The following ASB7 variants were observed in gnomAD, a reference collection of about 807,000 sequenced individuals.
ASB7 encodes ankyrin repeat and SOCS box protein 7.
ASB7 carries 4 observed loss-of-function variants against 32.5 expected under a neutral mutation model. The observed-to-expected ratio is 0.12, with a 90% CI of 0.06 to 0.28. The LOEUF (loss-of-function observed/expected upper bound fraction) is 0.28. Among genes scored for constraint, ASB7 ranks in the 10% least tolerant of loss-of-function variants. The pLI, the probability that ASB7 is intolerant of heterozygous loss-of-function variation, is 1.00. For missense variants in ASB7, 181 were observed against 407.1 expected (o/e 0.44, Z 4.78); for synonymous variants, 172 against 155.6 (o/e 1.11, Z -0.78).
At chr15:100,630,616 G>GTTTGGCACCAC (rs1411122859) in intron 5 of ASB7, among the ~76,000 whole-genome samples, 1 of 152,190 alleles carries the variant, frequency 6.6e-6, no homozygotes, top group African/African-American at 2.4e-5. Context: ...GCAGTGGGAA[G>GTTTGGCACCAC]TTTGGCACCA....
intron 4 of ASB7, among the ~76,000 whole-genome samples, chr15:100,616,500 C>G (rs2039744353): frequency 6.6e-6 from 1 of 152,118 alleles, no homozygotes; most frequent in Admixed American, 6.6e-5. Context: ...TCAGAATTGG[C>G]TTTGGTGTAT....
At chr15:100,604,980 C>T (rs550126225) in intron 2 of ASB7, among the ~76,000 whole-genome samples, 91 of 152,256 alleles carry the variant, frequency 6.0e-4, no homozygotes, top group African/African-American at 2.1e-3. Flanking sequence ...AACTCTAGGA[C>T]GCTTTCATTT....
intron 3 of ASB7, among the ~76,000 whole-genome samples, chr15:100,611,834 T>A (rs1450116221): frequency 6.6e-6 from 1 of 150,968 alleles, no homozygotes; most frequent in East Asian, 2.0e-4. Flanking sequence ...TTTTTTTTTT[T>A]TTTGAGATGG....
rs1207485529 is a variant in ASB7 at position 100,602,688 on chromosome 15, C to G, written c.-631C>G. 3.1e-6 allele frequency: 1 copy of G among 322,274 alleles called. No individual in the cohort carries two copies. Among genetic ancestry groups the G allele is most frequent in the Non-Finnish European group, 5.6e-6 (1 of 178,440 alleles). 20.0% of individuals were successfully genotyped at this position (322,274 alleles called of 1,614,324 possible). ...GAGACCCCACGGCTGGCACTTCGGG[C>G]CCCGTATGACCTGGGACCTCGCCGT... On this transcript the variant is annotated 5_prime_UTR_variant, in exon 1 of 6. Coordinates refer to ENST00000332783, the MANE Select transcript of ASB7 (RefSeq NM_198243.3).
At chr15:100,618,079 C>T (rs2039759504) in intron 4 of ASB7, among the ~76,000 whole-genome samples, 1 of 152,116 alleles carries the variant, frequency 6.6e-6, no homozygotes, top group African/African-American at 2.4e-5. Flanking sequence ...CTCAGCCGTA[C>T]CTGTTACTTT....
Position 100,645,676 on chromosome 15 carries a change from C to T in ASB7, c.818-2647C>T, listed in dbSNP as rs534734557. 56 of 1,467,004 alleles carry T rather than the reference C, an allele frequency of 3.8e-5. No individual in the cohort carries two copies. In the African/African-American group the frequency reaches 7.1e-4, roughly 19 times the overall value. The allele number at this position is 1,467,004 out of a possible 1,614,324, so 90.9% of individuals were successfully genotyped here. ...CTGTATGTGAGGTTAGGGACGGCAA[C>T]ACGAAAGAACCATCTTTAGTTTGGG... On this transcript the variant is annotated intron_variant, in intron 5 of 5. Coordinates refer to ENST00000332783, the MANE Select transcript of ASB7 (RefSeq NM_198243.3).
chr15:100,648,324 A>G lies in ASB7; in HGVS notation c.819A>G (p.Arg273=). 6.3e-7 allele frequency: 1 copy of G among 1,581,396 alleles called. No homozygotes were observed. Among genetic ancestry groups the G allele is most frequent in the Non-Finnish European group, 8.6e-7 (1 of 1,168,750 alleles). ...ATTTTCTTTTTTCTGTCTTTTTAGGACAGCCCAGAAACTTGCAGGACCTGT... is the reference window on the plus strand; with the variant it reads ...ATTTTCTTTTTTCTGTCTTTTTAGGGCAGCCCAGAAACTTGCAGGACCTGT... ...PCLDFLQEVT[R]QPRNLQDLCR... is the part of the protein sequence containing the mutation. The change falls in exon 6 of 6, where the codon AGA becomes AGG. Residue 273 remains arginine, a splice_region_variant and synonymous_variant. Coordinates refer to ENST00000332783, the MANE Select transcript of ASB7 (RefSeq NM_198243.3).
intron 5 of ASB7, chr15:100,638,358 T>C (rs1039646674): frequency 2.0e-5 from 3 of 152,248 alleles, no homozygotes; most frequent in Non-Finnish European, 4.4e-5. Context: ...TTTATAAAAC[T>C]GGCTGGCTAG....
intron 4 of ASB7, among the ~76,000 whole-genome samples, chr15:100,628,186 T>C (rs899448322): frequency 1.3e-5 from 2 of 152,256 alleles, no homozygotes; most frequent in African/African-American, 4.8e-5. Flanking sequence ...CTACATGATA[T>C]GGCTTACCTA....
In ASB7 at chr15:100,612,397, A is replaced by C. The variant is rs759813563; in HGVS notation, c.181A>C (p.Arg61=). Residue 61 remains arginine (R), a synonymous_variant, in exon 4 of 6, where the codon AGA becomes CGA. Coordinates refer to ENST00000332783, the MANE Select transcript of ASB7 (RefSeq NM_198243.3). ...LHFSAARGKE[R]CVRVFLEHGA... ...TTTCTCTGCAGCAAGAGGAAAGGAA[A>C]GATGTGTTCGGGTTTTTCTAGAACA... is the stretch of plus-strand genomic sequence containing the variant. 6.2e-7 allele frequency: 1 copy of C among 1,614,098 alleles called. No homozygotes were observed. The highest frequency in any genetic ancestry group is 1.7e-5 in the Admixed American group (1 of 60,030).
At chr15:100,640,281 A>T (rs1328606825) in intron 5 of ASB7, among the ~76,000 whole-genome samples, 2 of 152,038 alleles carry the variant, frequency 1.3e-5, no homozygotes, top group Non-Finnish European at 2.9e-5. Flanking sequence ...AGTAGTTGGG[A>T]CTACAGGCAC....
At chr15:100,613,742 G>A (rs889450484) in intron 4 of ASB7, among the ~76,000 whole-genome samples, 3 of 152,158 alleles carry the variant, frequency 2.0e-5, no homozygotes, top group Non-Finnish European at 4.4e-5. Context: ...TTTCACTTCT[G>A]CCAGCCTTAC....
chr15:100,641,321 C>G (rs976055340), intron 5 of ASB7, among the ~76,000 whole-genome samples: 1 of 152,114 alleles, frequency 6.6e-6, no homozygotes, highest in African/African-American at 2.4e-5. Flanking sequence ...ATAAGTACTT[C>G]TCTTTCAGTC....
chr15:100,625,095 G>A (rs564915360), intron 4 of ASB7, among the ~76,000 whole-genome samples: 9 of 152,298 alleles, frequency 5.9e-5, no homozygotes, highest in Admixed American at 5.2e-4. Flanking sequence ...AGAAGCAGAA[G>A]GTGATTTCCA....
intron 3 of ASB7, among the ~76,000 whole-genome samples, chr15:100,611,505 A>T (rs1596998317): frequency 1.4e-4 from 1 of 7,232 alleles, no homozygotes; most frequent in Non-Finnish European, 4.7e-4. Flanking sequence ...TTTGAGACAG[A>T]ATTTCACTCT....
chr15:100,632,020 G>A (rs563223132), intron 5 of ASB7, among the ~76,000 whole-genome samples: 3 of 152,340 alleles, frequency 2.0e-5, no homozygotes, highest in East Asian at 1.9e-4. Flanking sequence ...GAGAGGAGCC[G>A]CTGGGCAGGA....
chr15:100,642,997 C>T (rs937921551), intron 5 of ASB7, among the ~76,000 whole-genome samples: 1 of 152,204 alleles, frequency 6.6e-6, no homozygotes, highest in Non-Finnish European at 1.5e-5. Flanking sequence ...GATTGTGCCA[C>T]TGCACTCCAG....
At chr15:100,616,396 C>T (rs1041538783) in intron 4 of ASB7, among the ~76,000 whole-genome samples, 2 of 151,978 alleles carry the variant, frequency 1.3e-5, no homozygotes, top group African/African-American at 4.8e-5. Flanking sequence ...ATCGTTTGTG[C>T]CCTTGGTGTC....
chr15:100,638,615 A>G (rs1438179542), intron 5 of ASB7, among the ~76,000 whole-genome samples: 1 of 152,224 alleles, frequency 6.6e-6, no homozygotes. Flanking sequence ...CCTTGAATAA[A>G]TACATCATTT....
Sources: gnomAD v4.1 joint callset for allele counts (sites outside exome capture counted in the v4.1 genomes callset) on GRCh38, gnomAD v4.1.1 for gene constraint, MANE v1.5 for transcripts, NCBI Gene and HGNC (gene_info 2026-07-23, HGNC 2026-07-21) for gene names.